The following ADAM10 variants were observed in gnomAD, a reference collection of about 807,000 sequenced individuals.
The protein encoded by ADAM10 is disintegrin and metalloproteinase domain-containing protein 10.
In ADAM10, 17 loss-of-function variants were observed where a neutral mutation model predicts 90.1. That is an observed-to-expected ratio of 0.19 (90% CI 0.13 to 0.28). The LOEUF (loss-of-function observed/expected upper bound fraction) is 0.28. Among genes scored for constraint, ADAM10 ranks in the 10% least tolerant of loss-of-function variants. ADAM10 has a pLI of 1.00. For missense variants in ADAM10, 610 were observed against 914.3 expected (o/e 0.67, Z 4.29); for synonymous variants, 310 against 298.6 (o/e 1.04, Z -0.40).
rs369772297 is a variant in ADAM10, at chr15:58,738,236, T to C, written c.55+11244A>G. Among the ~76,000 whole-genome samples, 6 of 152,364 alleles carry C rather than the reference T, an allele frequency of 3.9e-5. No homozygotes were observed. In the South Asian group the frequency reaches 8.3e-4, roughly 21 times the overall value. ...CTACTGAGTCATCAACTACATGTCA[T>C]AGGCATCATACTGTGTTGACCAATG... is the stretch of plus-strand genomic sequence containing the variant. On this transcript the variant is annotated intron_variant, in intron 1 of 15. Transcript: ENST00000260408.
chr15:58,603,930 A>G (rs150212838), intron 14 of ADAM10, among the ~76,000 whole-genome samples: 1 of 151,708 alleles, frequency 6.6e-6, no homozygotes, highest in African/African-American at 2.4e-5. Flanking sequence ...TACTTTGTCA[A>G]CTAAAAAAAG....
intron 1 of ADAM10, among the ~76,000 whole-genome samples, chr15:58,722,027 T>C (rs1898871586): frequency 1.4e-5 from 2 of 145,130 alleles, no homozygotes; most frequent in Non-Finnish European, 3.0e-5. Context: ...AAACTCTGTC[T>C]GAAATAATAA....
At chr15:58,749,419 T>TCGGCC (rs1899905503) in intron 1 of ADAM10, 61 bp downstream of exon 1, 3 of 1,480,310 alleles carry the variant, frequency 2.0e-6, no homozygotes, top group South Asian at 2.6e-5. Flanking sequence ...TGGGCTCCGC[T>TCGGCC]CGGCCCGGCC....
rs114093888 is a variant in ADAM10, at chr15:58,605,092, C to A, written c.2025+5205G>T. Reference sequence around the variant, plus strand: ...GTACACGCTATGGCAGTAAGAGAGGCAGATTGGAGACAGAAAGCCCAGATT... The same window carrying A: ...GTACACGCTATGGCAGTAAGAGAGGAAGATTGGAGACAGAAAGCCCAGATT... On this transcript the variant is annotated intron_variant, in intron 14 of 15. Coordinates refer to ENST00000260408, the MANE Select transcript of ADAM10 (RefSeq NM_001110.4). Among the ~76,000 whole-genome samples the A allele has an allele frequency of 8.4e-3, 1,276 of 152,222 alleles. 24 individuals carry two copies. The highest frequency in any genetic ancestry group is 0.029 in the African/African-American group (1,222 of 41,514).
rs200800350 is a variant in ADAM10 at position 58,643,894 on chromosome 15, G to C, written c.820C>G (p.Arg274Gly). ...GIRNISFMVK[R>G]IRINTTADEK... The stretch of plus-strand genomic sequence containing the variant: ...CTATTTAAGTTCCTTACTCTTATGC[G>C]TTTCACCATGAAACTGATGTTACGG... Residue 274 changes from arginine (R) to glycine (G), a missense_variant, in exon 7 of 16, where the codon CGC becomes GGC. Around this residue, in one of 4 missense-constraint regions of ADAM10, gnomAD observed 310 missense variants for 362.4 expected, o/e 0.86. Transcript: ENST00000260408. The C allele has an allele frequency of 6.2e-7, 1 of 1,610,362 alleles. No individual in the cohort carries two copies.
intron 8 of ADAM10, among the ~76,000 whole-genome samples, chr15:58,640,227 G>A (rs1367017158): frequency 6.6e-6 from 1 of 152,102 alleles, no homozygotes; most frequent in Non-Finnish European, 1.5e-5. Context: ...TGGAGTTGTG[G>A]GTACCAGGGG....
intron 2 of ADAM10, chr15:58,686,476 C>G: frequency 1.4e-6 from 2 of 1,393,972 alleles, no homozygotes; most frequent in Non-Finnish European, 2.0e-6. Flanking sequence ...TGGAGGCTGG[C>G]GTGGAGAGGA....
chr15:58,668,382 G>A (rs1048421396), intron 4 of ADAM10, among the ~76,000 whole-genome samples: 1 of 152,110 alleles, frequency 6.6e-6, no homozygotes, highest in East Asian at 1.9e-4. Context: ...TTTGACTTGG[G>A]ACTATACAGC....
intron 15 of ADAM10, among the ~76,000 whole-genome samples, chr15:58,598,992 C>T (rs1016370381): frequency 1.3e-5 from 2 of 152,144 alleles, no homozygotes. Flanking sequence ...GGAAAATAAG[C>T]TTATGTGCCA....
intron 1 of ADAM10, among the ~76,000 whole-genome samples, chr15:58,743,219 T>C (rs142639409): frequency 8.5e-5 from 13 of 152,296 alleles, no homozygotes; most frequent in African/African-American, 2.9e-4. Context: ...GGGTTCAGAT[T>C]TGAAATCACT....
At chr15:58,691,366 T>C (rs773823759) in intron 2 of ADAM10, 3 of 922,004 alleles carry the variant, frequency 3.3e-6, no homozygotes, top group Non-Finnish European at 5.3e-6. Flanking sequence ...CTCATATATA[T>C]TACCTCGAAG....
intron 1 of ADAM10, among the ~76,000 whole-genome samples, chr15:58,740,757 A>C (rs1452816595): frequency 6.6e-6 from 1 of 152,192 alleles, no homozygotes; most frequent in Non-Finnish European, 1.5e-5. Flanking sequence ...AAATACTATA[A>C]ATTCGTAATA....
intron 2 of ADAM10, among the ~76,000 whole-genome samples, chr15:58,714,515 T>G (rs1309810664): frequency 6.6e-6 from 1 of 152,130 alleles, no homozygotes; most frequent in African/African-American, 2.4e-5. Context: ...AAACTCTACT[T>G]GATATTTTTT....
At chr15:58,626,972 T>C (rs536929900) in intron 10 of ADAM10, among the ~76,000 whole-genome samples, 40 of 152,318 alleles carry the variant, frequency 2.6e-4, no homozygotes, top group African/African-American at 9.1e-4. Flanking sequence ...GCACACTTTA[T>C]GCTATATATA....
At chr15:58,708,840 TAAC>T (rs1392182698) in intron 2 of ADAM10, among the ~76,000 whole-genome samples, 2 of 152,178 alleles carry the variant, frequency 1.3e-5, no homozygotes, top group Non-Finnish European at 2.9e-5. Flanking sequence ...GCACACAAAT[TAAC>T]AACTTTATTC....
chr15:58,735,463 CCAAATCCATTGATGCT>C (rs1245580301), intron 1 of ADAM10, among the ~76,000 whole-genome samples: 3 of 152,154 alleles, frequency 2.0e-5, no homozygotes, highest in Non-Finnish European at 2.9e-5. Flanking sequence ...CCACAGATAT[CCAAATCCATTGATGCT>C]CAAATCCCTG....
At chr15:58,661,360 C>A (rs1333017044) in intron 5 of ADAM10, among the ~76,000 whole-genome samples, 2 of 152,010 alleles carry the variant, frequency 1.3e-5, no homozygotes, top group African/African-American at 4.8e-5. Flanking sequence ...CAAATTCTCT[C>A]AATTTTTATT....
intron 14 of ADAM10, among the ~76,000 whole-genome samples, chr15:58,600,805 C>G (rs867155085): frequency 1.2e-4 from 18 of 152,138 alleles, no homozygotes; most frequent in Non-Finnish European, 2.2e-4. Flanking sequence ...AGCTTCAAAA[C>G]TGAACCTTTA....
chr15:58,731,838 C>A (rs374699401), intron 1 of ADAM10, among the ~76,000 whole-genome samples: 1 of 152,128 alleles, frequency 6.6e-6, no homozygotes, highest in Non-Finnish European at 1.5e-5. Context: ...CATGTGCGGC[C>A]TGGTCTTGAA....
Sources: allele counts gnomAD v4.1 joint callset (sites outside exome capture counted in the v4.1 genomes callset), GRCh38; gene constraint gnomAD v4.1.1; regional missense constraint gnomAD v4.1.1; transcripts MANE v1.5; gene names NCBI Gene and HGNC (gene_info 2026-07-23, HGNC 2026-07-21).